Variants in HDAC9 observed in about 807,000 individuals in gnomAD.
HDAC9 encodes the protein MEF-2 interacting transcription repressor (MITR) protein.
HDAC9 carries 41 observed loss-of-function variants against 139.4 expected under a neutral mutation model. The observed-to-expected ratio is 0.29, with a 90% CI of 0.23 to 0.38. The LOEUF is 0.38. Ranked by LOEUF, HDAC9 falls within the 10% of genes least tolerant of loss-of-function variation. The pLI is 1.00. For missense variants in HDAC9, 1,147 were observed against 1,297.0 expected (o/e 0.88, Z 1.78); for synonymous variants, 517 against 476.2 (o/e 1.09, Z -1.12).
At chr7:18,426,387 A>G (rs948447889) in intron 1 of HDAC9, among the ~76,000 whole-genome samples, 8 of 152,240 alleles carry the variant, frequency 5.3e-5, no homozygotes, top group African/African-American at 1.9e-4. Context: ...AAAGAACCTG[A>G]ATATTTTGCT....
chr7:18,096,817 C>T (rs753131297), intron 1 of HDAC9, among the ~76,000 whole-genome samples: 7 of 152,070 alleles, frequency 4.6e-5, no homozygotes, highest in Non-Finnish European at 8.8e-5. Flanking sequence ...ATGCGTAGCA[C>T]AGCAACTCTC....
At chr7:18,325,768 T>C (rs188735758) in intron 1 of HDAC9, among the ~76,000 whole-genome samples, 5 of 152,272 alleles carry the variant, frequency 3.3e-5, no homozygotes, top group African/African-American at 1.2e-4. Context: ...GATTATAATA[T>C]CATGTTTTTA....
intron 2 of HDAC9, among the ~76,000 whole-genome samples, chr7:18,264,620 C>T (rs1299900074): frequency 1.3e-5 from 2 of 152,122 alleles, no homozygotes; most frequent in Non-Finnish European, 2.9e-5. Flanking sequence ...GTAAGAGGGA[C>T]ATTAAAAGGC....
chr7:18,958,188 A>C (rs2269923), intron 24 of HDAC9, among the ~76,000 whole-genome samples: 114,200 of 151,976 alleles, frequency 0.75, 43,047 homozygotes, highest in South Asian at 0.8. Context: ...GCAATGATTT[A>C]TCCTGACAGG....
intron 2 of HDAC9, among the ~76,000 whole-genome samples, chr7:18,551,693 A>G (rs1365294933): frequency 2.0e-5 from 3 of 152,194 alleles, no homozygotes; most frequent in Non-Finnish European, 2.9e-5. Context: ...AAACAGGATC[A>G]TTTTTTGTTT....
chr7:18,603,936 C>G (rs1035708049), intron 6 of HDAC9, among the ~76,000 whole-genome samples: 6 of 152,062 alleles, frequency 3.9e-5, no homozygotes, highest in Non-Finnish European at 8.8e-5. Context: ...ACATTTTGTA[C>G]TATACTTTCT....
intron 1 of HDAC9, among the ~76,000 whole-genome samples, chr7:18,421,764 C>T (rs1026726801): frequency 6.6e-6 from 1 of 152,138 alleles, no homozygotes; most frequent in African/African-American, 2.4e-5. Context: ...CTTAGCTCAC[C>T]ACGTGATTAG....
chr7:18,800,861 C>A (rs1793227960), intron 17 of HDAC9, among the ~76,000 whole-genome samples: 1 of 151,648 alleles, frequency 6.6e-6, no homozygotes, highest in Non-Finnish European at 1.5e-5. Flanking sequence ...ATAATAATTT[C>A]TCCAAAGACA....
At position 18,524,863 on chromosome 7, in the gene HDAC9, TACACAC is replaced by T. The variant is rs57123600; in HGVS notation, c.22+28573_22+28578del. ...GATTTTGAAATAAAACTTAGTGACA[TACACAC>T]ACACACACACACACACACACACACA... On this transcript the variant is annotated intron_variant, in intron 2 of 25. Transcript: ENST00000686413. Among the ~76,000 whole-genome samples, 206 of 127,736 alleles carry T rather than the reference TACACAC, an allele frequency of 1.6e-3. 1 individual carries two copies. Among genetic ancestry groups the T allele is most frequent in the Middle Eastern group, 0.012 (3 of 252 alleles). 83.8% of individuals were successfully genotyped at this position (127,736 alleles called of 152,430 possible). A position where few individuals can be genotyped will look rare whatever the true frequency, so the allele number is the denominator to read the frequency against.
chr7:18,947,807 G>T (rs1427591251), intron 23 of HDAC9, among the ~76,000 whole-genome samples: 2 of 151,752 alleles, frequency 1.3e-5, no homozygotes, highest in Non-Finnish European at 2.9e-5. Flanking sequence ...CACAAGAAAG[G>T]AATATTATAA....
At chr7:18,280,021 A>T (rs776516023) in intron 2 of HDAC9, among the ~76,000 whole-genome samples, 4 of 152,234 alleles carry the variant, frequency 2.6e-5, no homozygotes, top group Admixed American at 2.6e-4. Context: ...AGCAAATAAA[A>T]AGAAAATGAA....
intron 16 of HDAC9, among the ~76,000 whole-genome samples, chr7:18,783,250 C>G (rs1248889071): frequency 6.6e-6 from 1 of 152,030 alleles, no homozygotes; most frequent in Non-Finnish European, 1.5e-5. Context: ...CCTTTTCTTT[C>G]TATCCTTTTA....
chr7:18,157,114 A>G (rs1179182568), intron 1 of HDAC9, among the ~76,000 whole-genome samples: 1 of 152,194 alleles, frequency 6.6e-6, no homozygotes, highest in Non-Finnish European at 1.5e-5. Context: ...AAGGTGGGAG[A>G]TGCAGAAAAG....
chr7:18,431,281 C>G (rs1357376209), intron 1 of HDAC9, among the ~76,000 whole-genome samples: 2 of 152,104 alleles, frequency 1.3e-5, no homozygotes, highest in East Asian at 1.9e-4. Flanking sequence ...TGTTAAAGCC[C>G]TTTGACTCTT....
intron 2 of HDAC9, among the ~76,000 whole-genome samples, chr7:18,176,620 C>T (rs995765229): frequency 3.9e-5 from 6 of 152,132 alleles, no homozygotes; most frequent in Non-Finnish European, 5.9e-5. Flanking sequence ...TGAAAGTATA[C>T]AGCTATGAAA....
At chr7:18,440,731 C>T (rs989512326) in intron 1 of HDAC9, among the ~76,000 whole-genome samples, 2 of 152,108 alleles carry the variant, frequency 1.3e-5, no homozygotes, top group Non-Finnish European at 2.9e-5. Flanking sequence ...AGAAAAAAGA[C>T]ATATACAGAT....
chr7:18,093,994 T>C (rs1238056197), intron 1 of HDAC9, among the ~76,000 whole-genome samples: 2 of 152,234 alleles, frequency 1.3e-5, no homozygotes, highest in Non-Finnish European at 2.9e-5. Context: ...TGAGTTTTAC[T>C]CTACATCCCA....
At chr7:18,733,666 G>A (rs563969725) in intron 13 of HDAC9, among the ~76,000 whole-genome samples, 2 of 151,624 alleles carry the variant, frequency 1.3e-5, no homozygotes, top group African/African-American at 4.8e-5. Flanking sequence ...TATTATTTAT[G>A]TGTATCTCAT....
chr7:18,237,861 T>C (rs1403123737), intron 2 of HDAC9, among the ~76,000 whole-genome samples: 2 of 152,194 alleles, frequency 1.3e-5, no homozygotes, highest in African/African-American at 4.8e-5. Flanking sequence ...AAGGTGATGG[T>C]TGAAGCACTG....
Sources: gnomAD v4.1 joint callset for allele counts (sites outside exome capture counted in the v4.1 genomes callset) on GRCh38, gnomAD v4.1.1 for gene constraint, MANE v1.5 for transcripts, NCBI Gene and HGNC (gene_info 2026-07-23, HGNC 2026-07-21) for gene names.